The following PLD1 variants were observed in gnomAD, a reference collection of about 807,000 sequenced individuals.
PLD1 encodes the protein choline phosphatase 1.
In PLD1, 112 loss-of-function variants were observed where a neutral mutation model predicts 137.1. The ratio of observed to expected loss-of-function variants is 0.82; its 90% CI spans 0.70 to 0.96. PLD1 has a LOEUF of 0.96. Among genes scored for constraint, PLD1 ranks in the 40% least tolerant of loss-of-function variants. The pLI is 0.00. For missense variants in PLD1, 1,321 were observed against 1,342.0 expected, an observed-to-expected ratio of 0.98 and a Z score of 0.24; for synonymous variants, 431 against 454.7, an observed-to-expected ratio of 0.95 and a Z score of 0.66.
At position 171,659,215 on chromosome 3, in the gene PLD1, G is replaced by T; in HGVS notation, c.2427C>A (p.His809Gln). 7.5e-6 allele frequency: 12 copies of T among 1,604,366 alleles called. No individual in the cohort carries two copies. Among genetic ancestry groups the T allele is most frequent in the Non-Finnish European group, 1.0e-5 (12 of 1,171,104 alleles). Residue 809 changes from histidine (H) to glutamine (Q), a missense_variant and splice_region_variant, in exon 21 of 27, where the codon CAC becomes CAA. Transcript: ENST00000351298. The part of the protein sequence containing the change: ...DAIAQRILKA[H>Q]RENQKYRVYV... Reference sequence around the variant, plus strand: ...AACTCTCAGCCAAAGGCTGTTACCTGTGAGCTTTCAGGATCCTCTGGGCAA... The same window carrying T: ...AACTCTCAGCCAAAGGCTGTTACCTTTGAGCTTTCAGGATCCTCTGGGCAA...
intron 1 of PLD1, among the ~76,000 whole-genome samples, chr3:171,795,211 C>A (rs1437292959): frequency 6.6e-6 from 1 of 152,182 alleles, no homozygotes; most frequent in African/African-American, 2.4e-5. Flanking sequence ...AACTGACAGG[C>A]CCACTCACCC....
chr3:171,737,233 GAGA>G (rs1183314535), intron 3 of PLD1, among the ~76,000 whole-genome samples: 2 of 152,220 alleles, frequency 1.3e-5, no homozygotes, highest in Non-Finnish European at 2.9e-5. Flanking sequence ...AAACTGGGGA[GAGA>G]AGAAGATTAA....
At chr3:171,643,329 A>G (rs1735928020) in intron 22 of PLD1, among the ~76,000 whole-genome samples, 3 of 152,194 alleles carry the variant, frequency 2.0e-5, no homozygotes, top group Admixed American at 2.0e-4. Context: ...GACTGTCTTT[A>G]AATTCAGCAA....
chr3:171,635,965 C>CTTTTTTTTTTTTTTTTTTTTTTGTTT (rs1735082121), intron 23 of PLD1, among the ~76,000 whole-genome samples: 1 of 49,252 alleles, frequency 2.0e-5, no homozygotes, highest in Non-Finnish European at 4.4e-5. Flanking sequence ...GGTTCAACTT[C>CTTTTTTTTTTTTTTTTTTTTTTGTTT]TTTTTTTTTT....
intron 6 of PLD1, among the ~76,000 whole-genome samples, chr3:171,729,060 A>G (rs1322837061): frequency 2.0e-5 from 3 of 152,344 alleles, no homozygotes; most frequent in African/African-American, 4.8e-5. Flanking sequence ...ATGTTGTCCA[A>G]ACTTCTTAGT....
intron 21 of PLD1, among the ~76,000 whole-genome samples, chr3:171,645,883 C>CAAAAA (rs1162718346): frequency 5.2e-4 from 31 of 59,180 alleles, no homozygotes; most frequent in Admixed American, 8.3e-4. Flanking sequence ...GACTCCATCT[C>CAAAAA]AAAAAAAAAA....
intron 11 of PLD1, among the ~76,000 whole-genome samples, chr3:171,708,099 T>A (rs146493219): frequency 7.2e-5 from 11 of 152,324 alleles, no homozygotes; most frequent in Middle Eastern, 3.4e-3. Flanking sequence ...TTGGCATGTG[T>A]AATGGGTTTT....
rs1038560658 is a variant in PLD1, at chr3:171,601,225, T to C, written c.*1853A>G. The C allele has an allele frequency of 3.2e-4, 48 of 152,172 alleles. No individual in the cohort carries two copies. The highest frequency in any genetic ancestry group is 1.8e-4 in the Non-Finnish European group (12 of 68,052). The allele number at this position is 152,172 out of a possible 1,614,324, so 9.4% of individuals were successfully genotyped here. A position where few individuals can be genotyped will look rare whatever the true frequency, so the allele number is the denominator to read the frequency against. ...TCCTCATCTATAAAATGGGGAGAAA[T>C]TGGATTAAATTACTTATAAGGGAAA... is the stretch of plus-strand genomic sequence containing the variant. On this transcript the variant is annotated 3_prime_UTR_variant, in exon 27 of 27. Coordinates refer to ENST00000351298, the MANE Select transcript of PLD1 (RefSeq NM_002662.5).
chr3:171,632,843 G>A (rs1009813076), intron 23 of PLD1, among the ~76,000 whole-genome samples: 1 of 152,190 alleles, frequency 6.6e-6, no homozygotes, highest in African/African-American at 2.4e-5. Context: ...ACATCTATGT[G>A]CCATGCCAAA....
chr3:171,674,620 T>TA lies in PLD1; in HGVS notation c.2116-8dup, dbSNP rs745520402. 7.2e-7 allele frequency: 1 copy of TA among 1,396,130 alleles called. No homozygotes were observed. The highest frequency in any genetic ancestry group is 1.0e-6 in the Non-Finnish European group (1 of 988,458). 86.5% of individuals were successfully genotyped at this position (1,396,130 alleles called of 1,614,324 possible). On this transcript the variant is annotated splice_region_variant and splice_polypyrimidine_tract_variant and intron_variant, in intron 18 of 26. Transcript: ENST00000351298. ...GATATTTTGATTTCATAATCTAAAATAAAGAAAAAGGATAAAATATTCAAA... is the reference window on the plus strand; with the variant it reads ...GATATTTTGATTTCATAATCTAAAATAAAAGAAAAAGGATAAAATATTCAAA...
chr3:171,680,547 T>C (rs1275119128), intron 16 of PLD1, among the ~76,000 whole-genome samples: 1 of 152,180 alleles, frequency 6.6e-6, no homozygotes, highest in Non-Finnish European at 1.5e-5. Flanking sequence ...CCTGTCTTTT[T>C]CTATACAATT....
At chr3:171,710,440 G>A (rs1265079277) in intron 9 of PLD1, among the ~76,000 whole-genome samples, 1 of 152,158 alleles carries the variant, frequency 6.6e-6, no homozygotes, top group Non-Finnish European at 1.5e-5. Context: ...TCCACCTCAG[G>A]CCATCAGGAA....
intron 25 of PLD1, among the ~76,000 whole-genome samples, chr3:171,607,615 G>A (rs1038003012): frequency 2.0e-5 from 3 of 152,072 alleles, no homozygotes; most frequent in Non-Finnish European, 4.4e-5. Context: ...TTAATTTTAT[G>A]TTGATGTATT....
At chr3:171,689,010 G>A in intron 13 of PLD1, 134 bp from the exon 14 acceptor site, 270 of 518,120 alleles carry the variant, frequency 5.2e-4, no homozygotes, top group South Asian at 1.4e-3. Flanking sequence ...ATACACCAAA[G>A]AAAATAATTT....
intron 10 of PLD1, among the ~76,000 whole-genome samples, chr3:171,709,144 T>A (rs1325156175): frequency 6.6e-6 from 1 of 152,238 alleles, no homozygotes; most frequent in East Asian, 1.9e-4. Flanking sequence ...CAGTTTTTCT[T>A]ACATACAGTT....
intron 1 of PLD1, chr3:171,765,005 AG>A: frequency 6.7e-6 from 1 of 150,254 alleles, no homozygotes; most frequent in Admixed American, 6.6e-5. Flanking sequence ...AAAGAAAGAA[AG>A]AGAAAAAGAA....
intron 6 of PLD1, among the ~76,000 whole-genome samples, chr3:171,728,606 G>A (rs372528595): frequency 1.3e-5 from 2 of 152,146 alleles, no homozygotes; most frequent in East Asian, 1.9e-4. Flanking sequence ...CTTATGCAAA[G>A]TCCCAGAACA....
At chr3:171,651,339 T>C (rs1037010755) in intron 21 of PLD1, among the ~76,000 whole-genome samples, 1 of 152,092 alleles carries the variant, frequency 6.6e-6, no homozygotes, top group Non-Finnish European at 1.5e-5. Context: ...TGTGTGTGTG[T>C]GTGTGTGTGT....
chr3:171,672,282 G>A (rs990237093), intron 19 of PLD1, among the ~76,000 whole-genome samples: 3 of 152,084 alleles, frequency 2.0e-5, no homozygotes, highest in African/African-American at 4.8e-5. Flanking sequence ...CTGCCCTCTC[G>A]ACACCCAAGT....
Sources: gnomAD v4.1 joint callset for allele counts (sites outside exome capture counted in the v4.1 genomes callset) on GRCh38, gnomAD v4.1.1 for gene constraint, MANE v1.5 for transcripts, NCBI Gene and HGNC (gene_info 2026-07-23, HGNC 2026-07-21) for gene names.